Variants in GRAMD1B observed in about 807,000 individuals in gnomAD.
GRAMD1B encodes the protein protein Aster-B.
In GRAMD1B, 37 loss-of-function variants were observed where a neutral mutation model predicts 99.7. That is an observed-to-expected ratio of 0.37 (90% confidence interval 0.29 to 0.49). The LOEUF is 0.49. Ranked by LOEUF, GRAMD1B falls within the 20% of genes least tolerant of loss-of-function variation. GRAMD1B has a pLI of 0.98. For missense variants in GRAMD1B, 888 were observed against 1,009.2 expected (o/e 0.88, Z 1.63); for synonymous variants, 427 against 387.6 (o/e 1.10, Z -1.19).
At chr11:123,467,278 T>C (rs751326533) in intron 1 of GRAMD1B, among the ~76,000 whole-genome samples, 2 of 151,746 alleles carry the variant, frequency 1.3e-5, no homozygotes, top group Non-Finnish European at 2.9e-5. Flanking sequence ...CACCTAGGAG[T>C]TTAAGATCAG....
intron 2 of GRAMD1B, among the ~76,000 whole-genome samples, chr11:123,496,232 A>G (rs1389051937): frequency 6.6e-6 from 1 of 152,062 alleles, no homozygotes; most frequent in Non-Finnish European, 1.5e-5. Context: ...CAGATGTACT[A>G]TTCTAGGGTA....
At chr11:123,406,007 A>G (rs1947841770) in intron 1 of GRAMD1B, among the ~76,000 whole-genome samples, 1 of 147,672 alleles carries the variant, frequency 6.8e-6, no homozygotes, top group Non-Finnish European at 1.5e-5. Flanking sequence ...CAAAAACTGA[A>G]CATTATTCCT....
At chr11:123,520,451 G>C (rs1487307107) in intron 2 of GRAMD1B, among the ~76,000 whole-genome samples, 1 of 152,052 alleles carries the variant, frequency 6.6e-6, no homozygotes, top group Non-Finnish European at 1.5e-5. Flanking sequence ...TTTTAAAATT[G>C]TTTGCATTGA....
At position 123,430,959 on chromosome 11, in the gene GRAMD1B, T is replaced by C. The variant is rs536434471; in HGVS notation, c.167T>C (p.Leu56Pro). Residue 56 changes from leucine to proline, a missense_variant, in exon 1 of 20, where the codon CTG becomes CCG. This residue lies in a region of GRAMD1B where 233 missense variants were observed against 154.6 expected (regional missense o/e 1.51). Transcript: ENST00000635736. ...ATGAAGAACGTACAGGAGCAGAGCCTGGAGGCCGGGCTGGCCCGGGACCTG... is the reference window on the plus strand; with the variant it reads ...ATGAAGAACGTACAGGAGCAGAGCCCGGAGGCCGGGCTGGCCCGGGACCTG... ...RRMKNVQEQS[L>P]EAGLARDLPA... 7.1e-6 allele frequency: 5 copies of C among 702,788 alleles called. No individual in the cohort carries two copies. In the Admixed American group the frequency reaches 1.0e-4, roughly 14 times the overall value. The allele number at this position is 702,788 out of a possible 1,614,324, so 43.5% of individuals were successfully genotyped here.
intron 2 of GRAMD1B, among the ~76,000 whole-genome samples, chr11:123,521,781 T>C (rs1313356993): frequency 3.9e-5 from 6 of 152,228 alleles, no homozygotes; most frequent in Non-Finnish European, 7.3e-5. Context: ...TGGGATCCAC[T>C]TTATGAGGTA....
intron 1 of GRAMD1B, among the ~76,000 whole-genome samples, chr11:123,462,091 C>T (rs111971830): frequency 0.041 from 6,212 of 151,934 alleles, 163 homozygotes; most frequent in Middle Eastern, 0.071. Flanking sequence ...CTCAGCCTCC[C>T]GAGTAGCTGG....
At chr11:123,491,603 T>C (rs956845770) in intron 2 of GRAMD1B, 5 of 323,954 alleles carry the variant, frequency 1.5e-5, no homozygotes, top group Non-Finnish European at 2.8e-5. Flanking sequence ...AGGGCTTCAT[T>C]TGGAGCTGTG....
chr11:123,502,191 G>A (rs1939935002), intron 2 of GRAMD1B, among the ~76,000 whole-genome samples: 1 of 152,200 alleles, frequency 6.6e-6, no homozygotes. Flanking sequence ...CTTGGCTTCA[G>A]CATGAGTCAC....
chr11:123,600,657 G>A lies in GRAMD1B; in HGVS notation c.1050+109G>A, dbSNP rs1017131143. 3.3e-5 allele frequency: 22 copies of A among 665,560 alleles called. 2 individuals carry two copies. In the South Asian group the frequency reaches 4.2e-4, roughly 13 times the overall value. 41.2% of individuals were successfully genotyped at this position (665,560 alleles called of 1,614,324 possible). A position where few individuals can be genotyped will look rare whatever the true frequency, so the allele number is the denominator to read the frequency against. ...CACTGATAGTATTCTCCCACTGATG[G>A]TATTGGCCTGAGTCCTGAAAGTAGC... On this transcript the variant is annotated intron_variant, in intron 8 of 19. Coordinates refer to ENST00000635736, the MANE Select transcript of GRAMD1B (RefSeq NM_001387025.1).
At chr11:123,543,557 G>C (rs1162416107) in intron 2 of GRAMD1B, among the ~76,000 whole-genome samples, 2 of 152,338 alleles carry the variant, frequency 1.3e-5, no homozygotes, top group East Asian at 3.9e-4. Flanking sequence ...GAAGTGGAGA[G>C]AGATACCTAT....
At chr11:123,607,960 GGCTTTGCATCCC>G in intron 11 of GRAMD1B, 1 of 154,260 alleles carries the variant, frequency 6.5e-6, no homozygotes, top group South Asian at 2.0e-4. Flanking sequence ...GTGCCAGAAG[GGCTTTGCATCCC>G]TGAGACTGAA....
At position 123,577,580 on chromosome 11, in the gene GRAMD1B, G is replaced by T. The variant is rs1319872817; in HGVS notation, c.663+3G>T. On this transcript the variant is annotated splice_donor_region_variant and intron_variant, in intron 3 of 19. Coordinates refer to ENST00000635736, the MANE Select transcript of GRAMD1B (RefSeq NM_001387025.1). ...GGAGCGGCGGCAAGAATTCCAAGGT[G>T]AGCGGGACCCCGTTGAGGCGGTACC... The T allele has an allele frequency of 6.3e-7, 1 of 1,575,396 alleles. No homozygotes were observed.
chr11:123,363,235 T>C (rs1946205251), intron 1 of GRAMD1B, among the ~76,000 whole-genome samples: 1 of 152,164 alleles, frequency 6.6e-6, no homozygotes, highest in Non-Finnish European at 1.5e-5. Flanking sequence ...GGCAGCTCAT[T>C]CTATTTTTAT....
chr11:123,600,730 C>T (rs1275687888), intron 8 of GRAMD1B, among the ~76,000 whole-genome samples, 182 bp downstream of exon 8: 2 of 152,170 alleles, frequency 1.3e-5, no homozygotes, highest in Non-Finnish European at 2.9e-5. Flanking sequence ...GTAAGGCACT[C>T]ATTGTCTTCA....
At chr11:123,366,399 T>C (rs1946322254) in intron 1 of GRAMD1B, among the ~76,000 whole-genome samples, 1 of 152,272 alleles carries the variant, frequency 6.6e-6, no homozygotes, top group African/African-American at 2.4e-5. Context: ...TCCTTTTCTT[T>C]TTCCCAAAGT....
At chr11:123,577,140 T>G (rs1222265962) in intron 2 of GRAMD1B, among the ~76,000 whole-genome samples, 1 of 152,238 alleles carries the variant, frequency 6.6e-6, no homozygotes, top group African/African-American at 2.4e-5. Context: ...GCCCGTTGGC[T>G]CGTGCGTCTG....
chr11:123,453,606 C>G (rs556597617), intron 1 of GRAMD1B, among the ~76,000 whole-genome samples: 3 of 152,256 alleles, frequency 2.0e-5, no homozygotes, highest in Admixed American at 1.3e-4. Flanking sequence ...CATGAGCCAC[C>G]GTGCCTGGCA....
Position 123,600,528 on chromosome 11 carries a change from C to T in GRAMD1B, c.1030C>T (p.Gln344Ter). Residue 344 changes from glutamine (Q) to a stop codon, truncating the protein, a stop_gained, in exon 8 of 20, where the codon CAG (glutamine) becomes TAG (stop). Transcript: ENST00000635736. LOFTEE classifies it high-confidence loss of function. The part of the protein sequence containing the change: ...RTYMMMFRLW[Q>*]NALLEKPLCP... ...ATATATGATGATGTTCCGGCTCTGG[C>T]AGAATGCTCTCCTTGAAAAGGTAAG... The T allele has an allele frequency of 6.2e-7, 1 of 1,611,914 alleles. No homozygotes were observed. The highest frequency in any genetic ancestry group is 8.5e-7 in the Non-Finnish European group (1 of 1,178,174).
At chr11:123,570,137 T>C (rs1238859628) in intron 2 of GRAMD1B, among the ~76,000 whole-genome samples, 1 of 152,226 alleles carries the variant, frequency 6.6e-6, no homozygotes, top group East Asian at 1.9e-4. Flanking sequence ...GATAGTTTCT[T>C]GGGAGCGTAG....
Sources: allele counts gnomAD v4.1 joint callset (sites outside exome capture counted in the v4.1 genomes callset), GRCh38; gene constraint gnomAD v4.1.1; regional missense constraint gnomAD v4.1.1; transcripts MANE v1.5; gene names NCBI Gene and HGNC (gene_info 2026-07-23, HGNC 2026-07-21).